The following NR3C1 variants were observed in gnomAD, a reference collection of about 807,000 sequenced individuals.
NR3C1 encodes the protein glucocorticoid receptor.
NR3C1 carries 14 observed loss-of-function variants against 74.0 expected under a neutral mutation model. The observed-to-expected ratio is 0.19, with a 90% CI of 0.12 to 0.30. The LOEUF (loss-of-function observed/expected upper bound fraction) is 0.30. NR3C1 is among the 10% of genes least tolerant of loss of function. The pLI is 1.00. For missense variants in NR3C1, 695 were observed against 909.8 expected (o/e 0.76, Z 3.04); for synonymous variants, 308 against 332.5 (o/e 0.93, Z 0.80).
intron 2 of NR3C1, among the ~76,000 whole-genome samples, chr5:143,328,551 C>A (rs150153296): frequency 4.6e-5 from 7 of 152,330 alleles, no homozygotes; most frequent in African/African-American, 1.7e-4. Flanking sequence ...CATGGTCAGG[C>A]TGCAAATTTT....
chr5:143,339,475 C>A (rs951076677), intron 2 of NR3C1, among the ~76,000 whole-genome samples: 2 of 152,134 alleles, frequency 1.3e-5, no homozygotes, highest in Admixed American at 6.5e-5. Flanking sequence ...CTGAGCTTTT[C>A]ATTTATGTTA....
chr5:143,352,002 A>G (rs1170984522), intron 2 of NR3C1, among the ~76,000 whole-genome samples: 3 of 152,204 alleles, frequency 2.0e-5, no homozygotes, highest in African/African-American at 7.2e-5. Flanking sequence ...AAGATGACCT[A>G]ATAATAGATG....
intron 2 of NR3C1, among the ~76,000 whole-genome samples, chr5:143,395,112 C>T (rs1283049880): frequency 2.0e-5 from 3 of 151,968 alleles, no homozygotes; most frequent in African/African-American, 4.8e-5. Context: ...GAACAAAAAT[C>T]ACCATCACAA....
Position 143,300,349 on chromosome 5 carries a change from ACT to A in NR3C1, c.1747+134_1747+135del, listed in dbSNP as rs1194728233. 1.1e-4 allele frequency: 113 copies of A among 1,007,190 alleles called. 1 individual carries two copies. The Middle Eastern group carries it at 3.9e-3, about 35-fold the overall frequency. The allele number at this position is 1,007,190 out of a possible 1,614,324, so 62.4% of individuals were successfully genotyped here. A position where few individuals can be genotyped will look rare whatever the true frequency, so the allele number is the denominator to read the frequency against. The stretch of plus-strand genomic sequence containing the variant: ...ACTCCCTATCACCTGTATTCACCTG[ACT>A]CTCCCCTTCATAGTCCCCAGAACTA... On this transcript the variant is annotated intron_variant, in intron 5 of 8. Coordinates refer to ENST00000394464, the MANE Select transcript of NR3C1 (RefSeq NM_000176.3). This position sits in a 1 kb window ranked among gnomAD's most constrained non-coding sequence, Gnocchi z 5.2.
chr5:143,322,814 T>G (rs1255657938), intron 2 of NR3C1, among the ~76,000 whole-genome samples: 1 of 152,212 alleles, frequency 6.6e-6, no homozygotes, highest in Non-Finnish European at 1.5e-5. Context: ...TCTTAGATTC[T>G]CACATTAACT....
Position 143,400,186 on chromosome 5 carries a change from C to G in NR3C1, c.654G>C (p.Leu218Phe). The change falls in exon 2 of 9, where the codon TTG becomes TTC. Residue 218 changes from leucine (L) to phenylalanine (F), a missense_variant. Physicochemically the swap from Leu to Phe is conservative, Grantham distance 22. Around this residue, in one of 4 missense-constraint regions of NR3C1, gnomAD observed 497 missense variants for 489.5 expected, o/e 1.02. Coordinates refer to ENST00000394464, the MANE Select transcript of NR3C1 (RefSeq NM_000176.3). ...TNESPWRSDL[L>F]IDENCLLSPL... is the part of the protein sequence containing the mutation. Reference sequence around the variant, plus strand: ...GAGAAAGCAAACAGTTTTCATCTATCAACAGGTCTGATCTCCAAGGACTCT... The same window carrying G: ...GAGAAAGCAAACAGTTTTCATCTATGAACAGGTCTGATCTCCAAGGACTCT... 1 of 1,613,646 alleles carries G rather than the reference C, an allele frequency of 6.2e-7. No homozygotes were observed. The highest frequency in any genetic ancestry group is 8.5e-7 in the Non-Finnish European group (1 of 1,179,798).
intron 2 of NR3C1, among the ~76,000 whole-genome samples, chr5:143,350,830 G>A (rs1830107376): frequency 1.3e-5 from 2 of 152,212 alleles, no homozygotes; most frequent in African/African-American, 4.8e-5. Context: ...TTGTGTCACA[G>A]AAACCACTGG....
chr5:143,392,789 T>C (rs548033391), intron 2 of NR3C1, among the ~76,000 whole-genome samples: 1 of 152,292 alleles, frequency 6.6e-6, no homozygotes, highest in South Asian at 2.1e-4. Context: ...CACTGTATAT[T>C]TTAAAAATCT....
chr5:143,404,691 T>G, upstream of NR3C1: 1 of 226,774 alleles, frequency 4.4e-6, no homozygotes, highest in Non-Finnish European at 7.4e-6. Context: ...TTTTTATTAT[T>G]ATGATTAAGG....
chr5:143,285,697 A>C (rs1258977056), intron 7 of NR3C1, among the ~76,000 whole-genome samples: 1 of 152,154 alleles, frequency 6.6e-6, no homozygotes, highest in East Asian at 1.9e-4. Context: ...AGGTATCATA[A>C]AATTAAAAAT....
At position 143,282,719 on chromosome 5, in the gene NR3C1, T is replaced by C. The variant is rs1813374572; in HGVS notation, c.2030A>G (p.Lys677Arg). Residue 677 changes from lysine (K) to arginine (R), a missense_variant, in exon 8 of 9, where the codon AAG becomes AGG. Lys to Arg is a conservative substitution (Grantham distance 26). Around this residue, in one of 4 missense-constraint regions of NR3C1, gnomAD observed 133 missense variants for 287.9 expected, o/e 0.46. Coordinates refer to ENST00000394464, the MANE Select transcript of NR3C1 (RefSeq NM_000176.3). The part of the protein sequence containing the change: ...KTLLLLSSVP[K>R]DGLKSQELFD... Reference sequence around the variant, plus strand: ...TAGCTCTTGGCTCTTCAGACCGTCCTTAGGAACTAAAAGGTTAAGATGAAG... The same window carrying C: ...TAGCTCTTGGCTCTTCAGACCGTCCCTAGGAACTAAAAGGTTAAGATGAAG... 6.2e-7 allele frequency: 1 copy of C among 1,613,726 alleles called. No homozygotes were observed. Among genetic ancestry groups the C allele is most frequent in the Non-Finnish European group, 8.5e-7 (1 of 1,179,882 alleles).
At chr5:143,342,164 A>C (rs1828361027) in intron 2 of NR3C1, among the ~76,000 whole-genome samples, 1 of 152,204 alleles carries the variant, frequency 6.6e-6, no homozygotes, top group South Asian at 2.1e-4. Context: ...CATTTTAAGA[A>C]TTAAAATTTC....
intron 2 of NR3C1, among the ~76,000 whole-genome samples, chr5:143,355,338 TG>T (rs1830942065): frequency 6.6e-6 from 1 of 152,184 alleles, no homozygotes; most frequent in Non-Finnish European, 1.5e-5. Context: ...CCTTGGAATT[TG>T]CCAGGTGATT....
Position 143,399,744 on chromosome 5 carries a change from T to C in NR3C1, c.1096A>G (p.Arg366Gly), listed in dbSNP as rs370572248. Residue 366 changes from arginine to glycine, a missense_variant, in exon 2 of 9, where the codon AGG becomes GGG. Physicochemically the swap from Arg to Gly is moderately radical, Grantham distance 125. This residue lies in a region of NR3C1 where 497 missense variants were observed against 489.5 expected (regional missense o/e 1.02). Coordinates refer to ENST00000394464, the MANE Select transcript of NR3C1 (RefSeq NM_000176.3). ...TTGTCATCTCCAGATCCTTGGCACC[T>C]ATTCCAATTTTCGGAACCAACGGGA... ...PIPVGSENWNRCQGSGDDNLT... is the reference protein window; with the variant it reads ...PIPVGSENWNGCQGSGDDNLT... 2.6e-5 allele frequency: 42 copies of C among 1,614,108 alleles called. No homozygotes were observed. Among genetic ancestry groups the C allele is most frequent in the Non-Finnish European group, 3.3e-5 (39 of 1,180,036 alleles).
intron 2 of NR3C1, among the ~76,000 whole-genome samples, chr5:143,387,449 CTAGT>C (rs1837448564): frequency 6.6e-6 from 1 of 152,156 alleles, no homozygotes; most frequent in Non-Finnish European, 1.5e-5. Flanking sequence ...CTCTTCTATG[CTAGT>C]TAATGTGACA....
intron 2 of NR3C1, among the ~76,000 whole-genome samples, chr5:143,390,682 T>C (rs1032946065): frequency 6.6e-6 from 1 of 152,140 alleles, no homozygotes; most frequent in Non-Finnish European, 1.5e-5. Flanking sequence ...CATTTCAGAA[T>C]AGTCACCCTG....
At chr5:143,345,480 G>A (rs1211593666) in intron 2 of NR3C1, among the ~76,000 whole-genome samples, 1 of 152,164 alleles carries the variant, frequency 6.6e-6, no homozygotes, top group African/African-American at 2.4e-5. Context: ...AAAGTGCCGG[G>A]ATTACAGACG....
chr5:143,427,053 A>G (rs567271929), intron 1 of NR3C1, among the ~76,000 whole-genome samples: 1 of 152,276 alleles, frequency 6.6e-6, no homozygotes, highest in Non-Finnish European at 1.5e-5. Context: ...TGAAGAGTTC[A>G]AAAGCTAAAA....
chr5:143,351,682 T>A (rs149178640), intron 2 of NR3C1, among the ~76,000 whole-genome samples: 303 of 152,296 alleles, frequency 2.0e-3, no homozygotes, highest in African/African-American at 7.0e-3. Flanking sequence ...ACAGAAAACA[T>A]TTCTACTCTA....
Sources: gnomAD v4.1 joint callset for allele counts (sites outside exome capture counted in the v4.1 genomes callset) on GRCh38, gnomAD v4.1.1 for gene constraint, gnomAD v4.1.1 regional missense constraint, Gnocchi (gnomAD v3.1) non-coding constraint, MANE v1.5 for transcripts, NCBI Gene and HGNC (gene_info 2026-07-23, HGNC 2026-07-21) for gene names.